Variants in GABRG2 observed in about 807,000 individuals in gnomAD.
The protein encoded by GABRG2 is gamma-aminobutyric acid receptor subunit gamma-2.
In GABRG2, 16 loss-of-function variants were observed where a neutral mutation model predicts 56.4. That is an observed-to-expected ratio of 0.28 (90% confidence interval 0.19 to 0.43). GABRG2 has a LOEUF of 0.43. Ranked by LOEUF, GABRG2 falls within the 20% of genes least tolerant of loss-of-function variation. The probability of loss-of-function intolerance (pLI) is 1.00; values close to 1 mark genes in which losing one functional copy is unlikely to be tolerated. For synonymous variants in GABRG2, 208 were observed against 205.5 expected, an observed-to-expected ratio of 1.01 and a Z score of -0.10; for missense variants, 327 against 582.7, an observed-to-expected ratio of 0.56 and a Z score of 4.52.
chr5:162,082,495 A>AT (rs1759745926), intron 1 of GABRG2, among the ~76,000 whole-genome samples: 1 of 151,674 alleles, frequency 6.6e-6, no homozygotes, highest in Admixed American at 6.6e-5. Flanking sequence ...TTCATTGGGG[A>AT]TTTTTTATAT....
intron 6 of GABRG2, among the ~76,000 whole-genome samples, chr5:162,129,921 G>C (rs891246278): frequency 1.3e-5 from 2 of 151,858 alleles, no homozygotes; most frequent in South Asian, 4.1e-4. Context: ...ATAGGGAAGA[G>C]AAAGAGAATT....
intron 3 of GABRG2, among the ~76,000 whole-genome samples, chr5:162,096,738 A>G (rs2113317621): frequency 6.6e-6 from 1 of 151,716 alleles, no homozygotes; most frequent in East Asian, 1.9e-4. Flanking sequence ...TTCACACCAT[A>G]TCTGCTTTTT....
chr5:162,102,525 GT>G lies in GABRG2; in HGVS notation c.631+1210del, dbSNP rs1554098127. 5 of 453,748 alleles carry G rather than the reference GT, an allele frequency of 1.1e-5. No homozygotes were observed. The East Asian group carries it at 2.8e-4, about 25-fold the overall frequency. The allele number at this position is 453,748 out of a possible 1,614,324, so 28.1% of individuals were successfully genotyped here. ...TATCATCATTTTTGTTGTTGTTGTTGTTGTTTTGTTTTGTTTTGTTTTGGAC... is the reference window on the plus strand; with the variant it reads ...TATCATCATTTTTGTTGTTGTTGTTGTGTTTTGTTTTGTTTTGTTTTGGAC... On this transcript the variant is annotated intron_variant, in intron 5 of 9. Transcript: ENST00000639213.
chr5:162,101,100 T>C lies in GABRG2; in HGVS notation c.549-135T>C. 5.7e-6 allele frequency: 4 copies of C among 706,888 alleles called. No individual in the cohort carries two copies. The South Asian group carries it at 6.5e-5, about 11-fold the overall frequency. 43.8% of individuals were successfully genotyped at this position (706,888 alleles called of 1,614,324 possible). A position where few individuals can be genotyped will look rare whatever the true frequency, so the allele number is the denominator to read the frequency against. ...TTTTTTCCTGGACTTGGTGGATTTC[T>C]TCATTGGGGATCACTCTGTGTTTTC... On this transcript the variant is annotated intron_variant, in intron 4 of 9. Transcript: ENST00000639213.
At chr5:162,144,938 G>T (rs909927256) in intron 7 of GABRG2, among the ~76,000 whole-genome samples, 2 of 152,172 alleles carry the variant, frequency 1.3e-5, no homozygotes. Flanking sequence ...TGTCTAGAAC[G>T]TGACTTAGGA....
At chr5:162,149,501 T>G in intron 8 of GABRG2, 188 bp downstream of exon 8, 1 of 737,452 alleles carries the variant, frequency 1.4e-6, no homozygotes, top group Non-Finnish European at 2.5e-6. Context: ...TCAAGTCTGT[T>G]TCTATTTTCT....
intron 6 of GABRG2, among the ~76,000 whole-genome samples, chr5:162,123,171 G>GA (rs1266582249): frequency 6.6e-6 from 1 of 151,156 alleles, no homozygotes; most frequent in East Asian, 1.9e-4. Context: ...TCATATCTGA[G>GA]AAAAAAGAAG....
chr5:162,116,833 G>A (rs1398384698), intron 6 of GABRG2, among the ~76,000 whole-genome samples: 1 of 150,552 alleles, frequency 6.6e-6, no homozygotes, highest in Non-Finnish European at 1.5e-5. Context: ...CCATAACTTT[G>A]ACAAAGACCT....
chr5:162,069,272 C>T (rs904018174), intron 1 of GABRG2, among the ~76,000 whole-genome samples: 1 of 152,120 alleles, frequency 6.6e-6, no homozygotes, highest in Non-Finnish European at 1.5e-5. Context: ...TACTTGCATT[C>T]TTCTATACTT....
chr5:162,126,912 C>T (rs1763377298), intron 6 of GABRG2, among the ~76,000 whole-genome samples: 1 of 151,914 alleles, frequency 6.6e-6, no homozygotes, highest in Non-Finnish European at 1.5e-5. Context: ...TGGCTTATAG[C>T]AGATGATCAA....
intron 1 of GABRG2, among the ~76,000 whole-genome samples, chr5:162,084,312 C>T (rs543126756): frequency 4.0e-4 from 61 of 151,916 alleles, no homozygotes; most frequent in African/African-American, 1.2e-3. Context: ...AATGCTAATA[C>T]GGGGCTATCT....
intron 6 of GABRG2, among the ~76,000 whole-genome samples, chr5:162,132,277 G>C (rs978751004): frequency 6.6e-6 from 1 of 151,926 alleles, no homozygotes. Context: ...AATTTTTAAG[G>C]AGAACAAGAT....
chr5:162,105,808 A>AACACACACACAC, intron 6 of GABRG2, among the ~76,000 whole-genome samples: 1 of 68,352 alleles, frequency 1.5e-5, no homozygotes, highest in African/African-American at 6.9e-5. Flanking sequence ...GGCGAAAGAA[A>AACACACACACAC]ACACATACAC....
At chr5:162,144,863 A>C (rs1354716607) in intron 7 of GABRG2, among the ~76,000 whole-genome samples, 1 of 152,216 alleles carries the variant, frequency 6.6e-6, no homozygotes, top group Non-Finnish European at 1.5e-5. Flanking sequence ...TGAACATTTA[A>C]GTCACTAGAG....
At chr5:162,094,919 G>A (rs138359509) in intron 2 of GABRG2, among the ~76,000 whole-genome samples, 21 of 152,202 alleles carry the variant, frequency 1.4e-4, no homozygotes, top group African/African-American at 4.6e-4. Context: ...TATTATCTGT[G>A]GTATCACAGG....
At chr5:162,152,664 G>T in intron 9 of GABRG2, 1 of 333,438 alleles carries the variant, frequency 3.0e-6, no homozygotes, top group East Asian at 6.5e-5. Flanking sequence ...TTTTCTATTT[G>T]CCTATAACTA....
chr5:162,127,568 G>T (rs560649059), intron 6 of GABRG2, among the ~76,000 whole-genome samples: 11 of 151,802 alleles, frequency 7.2e-5, no homozygotes, highest in Non-Finnish European at 1.3e-4. Context: ...TTTTGTCAAT[G>T]AATGAATGAA....
chr5:162,117,375 T>G (rs1266804644), intron 6 of GABRG2, among the ~76,000 whole-genome samples: 1 of 152,170 alleles, frequency 6.6e-6, no homozygotes, highest in Non-Finnish European at 1.5e-5. Flanking sequence ...TTGAAAATGA[T>G]TTAATAAAGA....
chr5:162,080,244 G>A (rs1218751013), intron 1 of GABRG2, among the ~76,000 whole-genome samples: 1 of 152,154 alleles, frequency 6.6e-6, no homozygotes, highest in Non-Finnish European at 1.5e-5. Flanking sequence ...TTGTGATAGT[G>A]TTGAGGAAAT....
Sources: allele counts gnomAD v4.1 joint callset (sites outside exome capture counted in the v4.1 genomes callset), GRCh38; gene constraint gnomAD v4.1.1; transcripts MANE v1.5; gene names NCBI Gene and HGNC (gene_info 2026-07-23, HGNC 2026-07-21).